GRM1: variants seen among roughly 807,000 people sequenced by gnomAD.
GRM1 encodes the protein metabotropic glutamate receptor 1.
Under a neutral mutation model 90.9 loss-of-function variants are expected in GRM1, and 33 were observed. The observed-to-expected ratio is 0.36, with a 90% CI of 0.28 to 0.49. The LOEUF is 0.49. Ranked by LOEUF, GRM1 falls within the 20% of genes least tolerant of loss-of-function variation. The probability of loss-of-function intolerance (pLI) is 0.99; values close to 1 mark genes in which losing one functional copy is unlikely to be tolerated. For synonymous variants in GRM1, 700 were observed against 613.2 expected, an observed-to-expected ratio of 1.14 and a Z score of -2.09; for missense variants, 1,190 against 1,534.3, an observed-to-expected ratio of 0.78 and a Z score of 3.75.
At chr6:146,032,785 G>A (rs1434286171) in intron 1 of GRM1, among the ~76,000 whole-genome samples, 2 of 152,108 alleles carry the variant, frequency 1.3e-5, no homozygotes, top group Non-Finnish European at 2.9e-5. Context: ...TCTTGTATTA[G>A]AAGTTAACCA....
intron 2 of GRM1, among the ~76,000 whole-genome samples, chr6:146,183,580 T>G (rs1778623847): frequency 6.6e-6 from 1 of 152,280 alleles, no homozygotes; most frequent in Middle Eastern, 3.4e-3. Context: ...CAGCTCTGAA[T>G]TTTAGTTTCT....
rs149072960 is a variant in GRM1 at position 146,434,423 on chromosome 6, C to T, written c.3212C>T (p.Pro1071Leu). The change falls in exon 8 of 8, where the codon CCT becomes CTT. Residue 1071 changes from proline to leucine, a missense_variant. Pro to Leu is a moderately conservative substitution (Grantham distance 98). Around this residue, in one of 10 missense-constraint regions of GRM1, gnomAD observed 400 missense variants for 360.8 expected, o/e 1.11. Transcript: ENST00000282753. ...GLRSLYPPPP[P>L]PQHLQMLPLQ... The stretch of plus-strand genomic sequence containing the variant: ...CGGTCCCTGTACCCGCCCCCGCCAC[C>T]TCCGCAGCACCTGCAGATGCTGCCG... The T allele has an allele frequency of 8.7e-6, 14 of 1,613,564 alleles. No homozygotes were observed. The highest frequency in any genetic ancestry group is 3.3e-5 in the Admixed American group (2 of 60,004).
chr6:146,110,714 AG>A (rs923662786), intron 1 of GRM1, among the ~76,000 whole-genome samples: 2 of 152,174 alleles, frequency 1.3e-5, no homozygotes, highest in African/African-American at 4.8e-5. Context: ...TTGTTATTTA[AG>A]GCATTTATTT....
At chr6:146,095,528 G>GTATC (rs1776847259) in intron 1 of GRM1, among the ~76,000 whole-genome samples, 1 of 152,072 alleles carries the variant, frequency 6.6e-6, no homozygotes, top group Non-Finnish European at 1.5e-5. Flanking sequence ...GCTAGAAATA[G>GTATC]TATCTCCTTT....
rs143614020 is a variant in GRM1 at position 146,297,978 on chromosome 6, G to T, written c.951-6633G>T. On this transcript the variant is annotated intron_variant, in intron 2 of 7. Coordinates refer to ENST00000282753, the MANE Select transcript of GRM1 (RefSeq NM_001278064.2). Reference sequence around the variant, plus strand: ...CAGTTACCTTCTCTGTGGTGCTGAAGAATTATTCTTGTTGCCTGAGGCCCC... The same window carrying T: ...CAGTTACCTTCTCTGTGGTGCTGAATAATTATTCTTGTTGCCTGAGGCCCC... Among the ~76,000 whole-genome samples, 271 of 152,172 alleles carry T rather than the reference G, an allele frequency of 1.8e-3. 2 individuals carry two copies. Among genetic ancestry groups the T allele is most frequent in the African/African-American group, 6.0e-3 (248 of 41,524 alleles).
intron 1 of GRM1, among the ~76,000 whole-genome samples, chr6:146,147,467 A>G (rs767503216): frequency 1.3e-5 from 2 of 152,204 alleles, no homozygotes; most frequent in Non-Finnish European, 2.9e-5. Flanking sequence ...TAGTGTTCAC[A>G]TTATACCACC....
chr6:146,423,162 A>C (rs1778062732), intron 7 of GRM1, among the ~76,000 whole-genome samples: 1 of 152,234 alleles, frequency 6.6e-6, no homozygotes, highest in Non-Finnish European at 1.5e-5. Flanking sequence ...CTTATATTTG[A>C]CAAGCCCCCA....
chr6:146,259,956 A>ATT lies in GRM1; in HGVS notation c.951-44653_951-44652dup, dbSNP rs538645491. 2.7e-3 allele frequency among the ~76,000 whole-genome samples: 395 copies of ATT among 147,654 alleles called. 3 individuals are homozygous for ATT. The highest frequency in any genetic ancestry group is 8.9e-3 in the African/African-American group (362 of 40,586). On this transcript the variant is annotated intron_variant, in intron 2 of 7. Transcript: ENST00000282753. ...TTTCTACACATCCTCACCAATACTT[A>ATT]TTTATATATATATATATTTATATAT...
chr6:146,239,821 T>C (rs1348178598), intron 2 of GRM1, among the ~76,000 whole-genome samples: 1 of 152,102 alleles, frequency 6.6e-6, no homozygotes, highest in Non-Finnish European at 1.5e-5. Flanking sequence ...AAATGAGGTA[T>C]CCTTTTTTTA....
intron 2 of GRM1, among the ~76,000 whole-genome samples, chr6:146,298,332 G>A (rs1011530264): frequency 1.3e-5 from 2 of 152,136 alleles, no homozygotes; most frequent in African/African-American, 4.8e-5. Flanking sequence ...GTCTGAAGCA[G>A]AGCCCTACTC....
intron 1 of GRM1, among the ~76,000 whole-genome samples, chr6:146,150,934 G>GCA (rs1468494586): frequency 5.2e-4 from 50 of 96,196 alleles, no homozygotes; most frequent in African/African-American, 1.6e-3. Flanking sequence ...ACACGCGTGT[G>GCA]CGCGCACACA....
At chr6:146,073,999 G>A (rs542545417) in intron 1 of GRM1, among the ~76,000 whole-genome samples, 1 of 152,090 alleles carries the variant, frequency 6.6e-6, no homozygotes, top group East Asian at 1.9e-4. Flanking sequence ...ATGAATTCAA[G>A]TCTATAAAAA....
At chr6:146,132,595 A>G (rs931963868) in intron 1 of GRM1, among the ~76,000 whole-genome samples, 13 of 152,166 alleles carry the variant, frequency 8.5e-5, no homozygotes, top group Non-Finnish European at 1.9e-4. Flanking sequence ...TTGTTAACTG[A>G]AAAGATCTGT....
At chr6:146,129,634 A>G (rs1463879821) in intron 1 of GRM1, among the ~76,000 whole-genome samples, 1 of 152,064 alleles carries the variant, frequency 6.6e-6, no homozygotes, top group Non-Finnish European at 1.5e-5. Context: ...AAGCTAGGCC[A>G]CTCTAAGGCT....
intron 1 of GRM1, among the ~76,000 whole-genome samples, chr6:146,155,412 G>C (rs1244644608): frequency 1.3e-5 from 2 of 152,162 alleles, no homozygotes; most frequent in African/African-American, 4.8e-5. Flanking sequence ...TAGGTGTATA[G>C]TAGGTTATGC....
At chr6:146,260,850 T>G (rs1390070493) in intron 2 of GRM1, among the ~76,000 whole-genome samples, 1 of 112,912 alleles carries the variant, frequency 8.9e-6, no homozygotes, top group Non-Finnish European at 1.7e-5. Context: ...AATTGAGGTG[T>G]AGGAGTTTCA....
Position 146,029,694 on chromosome 6 carries a change from C to T in GRM1, c.177C>T (p.Ala59=), listed in dbSNP as rs951612592. Residue 59 remains alanine (A), a synonymous_variant, in exon 1 of 8, where the codon GCC becomes GCT. Transcript: ENST00000282753. ...TCTCAGTCCATCACCAGCCTCCGGC[C>T]GAGAAAGTGCCCGAGAGGAAGTGTG... is the stretch of plus-strand genomic sequence containing the variant. ...ALFSVHHQPP[A]EKVPERKCGE... 4 of 1,614,068 alleles carry T rather than the reference C, an allele frequency of 2.5e-6. No individual in the cohort carries two copies. The highest frequency in any genetic ancestry group is 2.5e-6 in the Non-Finnish European group (3 of 1,180,020).
intron 5 of GRM1, among the ~76,000 whole-genome samples, chr6:146,362,955 G>A (rs1301310813): frequency 6.6e-6 from 1 of 152,100 alleles, no homozygotes; most frequent in Non-Finnish European, 1.5e-5. Flanking sequence ...AACTAAGAGA[G>A]TCCACTAAGA....
chr6:146,091,584 T>A (rs1776717742), intron 1 of GRM1, among the ~76,000 whole-genome samples: 1 of 152,044 alleles, frequency 6.6e-6, no homozygotes, highest in Non-Finnish European at 1.5e-5. Flanking sequence ...AGCCAGGGAA[T>A]CCAGTGTGGC....
Sources: gnomAD v4.1 joint callset for allele counts (sites outside exome capture counted in the v4.1 genomes callset) on GRCh38, gnomAD v4.1.1 for gene constraint, gnomAD v4.1.1 regional missense constraint, MANE v1.5 for transcripts, NCBI Gene and HGNC (gene_info 2026-07-23, HGNC 2026-07-21) for gene names.